NEGR1: variants seen among roughly 807,000 people sequenced by gnomAD.
NEGR1 encodes the protein neuronal growth regulator 1, also known as IgLON family member 4.
In NEGR1, 10 loss-of-function variants were observed where a neutral mutation model predicts 40.9. The ratio of observed to expected loss-of-function variants is 0.24; its 90% CI spans 0.15 to 0.42. The LOEUF (loss-of-function observed/expected upper bound fraction) is 0.42. Among genes scored for constraint, NEGR1 ranks in the 10% least tolerant of loss-of-function variants. The probability of loss-of-function intolerance (pLI) is 1.00; values close to 1 mark genes in which losing one functional copy is unlikely to be tolerated. For missense variants in NEGR1, 352 were observed against 438.9 expected (o/e 0.80, Z 1.77); for synonymous variants, 185 against 166.8 (o/e 1.11, Z -0.84).
At chr1:71,494,398 G>T (rs1646948751) in intron 6 of NEGR1, among the ~76,000 whole-genome samples, 1 of 152,154 alleles carries the variant, frequency 6.6e-6, no homozygotes, top group South Asian at 2.1e-4. Flanking sequence ...GCCACACATT[G>T]TGGCAAGGAG....
intron 2 of NEGR1, among the ~76,000 whole-genome samples, chr1:71,855,246 A>C (rs886127561): frequency 6.6e-6 from 1 of 152,136 alleles, no homozygotes; most frequent in African/African-American, 2.4e-5. Flanking sequence ...TTCTTTCAAT[A>C]AACTCAAATC....
intron 4 of NEGR1, among the ~76,000 whole-genome samples, chr1:71,692,188 A>C (rs1334034123): frequency 1.3e-5 from 2 of 151,766 alleles, no homozygotes; most frequent in African/African-American, 4.8e-5. Flanking sequence ...GATGTACCAA[A>C]GTGTATCATC....
intron 1 of NEGR1, among the ~76,000 whole-genome samples, chr1:71,955,862 C>T (rs898084058): frequency 1.3e-5 from 2 of 152,044 alleles, no homozygotes; most frequent in African/African-American, 4.8e-5. Flanking sequence ...GTTAACTGTA[C>T]TGTTGTAGAG....
intron 1 of NEGR1, among the ~76,000 whole-genome samples, chr1:72,083,648 TG>T (rs1428728107): frequency 6.6e-6 from 1 of 152,196 alleles, no homozygotes; most frequent in East Asian, 1.9e-4. Context: ...ATTTGTTAAT[TG>T]CCTCCCAGCA....
chr1:72,083,632 A>G (rs1453500170), intron 1 of NEGR1, among the ~76,000 whole-genome samples: 1 of 152,206 alleles, frequency 6.6e-6, no homozygotes, highest in Non-Finnish European at 1.5e-5. Context: ...TTTTAATAAT[A>G]GTGGCATTTG....
intron 4 of NEGR1, among the ~76,000 whole-genome samples, chr1:71,629,854 A>G (rs1650916184): frequency 6.6e-6 from 1 of 151,958 alleles, no homozygotes; most frequent in South Asian, 2.1e-4. Flanking sequence ...TTTAATGTGG[A>G]TGGTCTTGCA....
intron 6 of NEGR1, among the ~76,000 whole-genome samples, chr1:71,537,653 G>A (rs1231520717): frequency 1.3e-5 from 2 of 151,710 alleles, no homozygotes; most frequent in Non-Finnish European, 2.9e-5. Flanking sequence ...GGGACAACTC[G>A]TCTGATAGTT....
chr1:72,105,544 G>GTAAATAAATAAATAAA (rs57077521), intron 1 of NEGR1, among the ~76,000 whole-genome samples: 84 of 151,140 alleles, frequency 5.6e-4, no homozygotes, highest in African/African-American at 2.0e-3. Flanking sequence ...TCTCTCCACA[G>GTAAATAAATAAATAAA]TAAATAAATA....
chr1:71,502,653 T>C (rs1413966778), intron 6 of NEGR1, among the ~76,000 whole-genome samples: 1 of 152,100 alleles, frequency 6.6e-6, no homozygotes, highest in African/African-American at 2.4e-5. Flanking sequence ...CTGTAGAGGC[T>C]ATAGACAAAC....
intron 1 of NEGR1, among the ~76,000 whole-genome samples, chr1:72,118,573 C>T (rs1418883831): frequency 2.0e-5 from 3 of 151,714 alleles, no homozygotes; most frequent in African/African-American, 7.3e-5. Context: ...ATCCTGTTTC[C>T]TTGGCTTTCT....
chr1:71,787,660 A>T (rs1442816297), intron 2 of NEGR1, among the ~76,000 whole-genome samples: 1 of 152,260 alleles, frequency 6.6e-6, no homozygotes, highest in East Asian at 1.9e-4. Context: ...ACATGAAGAC[A>T]CTTCATCATT....
intron 2 of NEGR1, among the ~76,000 whole-genome samples, chr1:71,887,894 A>AC (rs1447611503): frequency 2.0e-5 from 3 of 151,100 alleles, no homozygotes; most frequent in Non-Finnish European, 4.4e-5. Context: ...AATCTCCCCT[A>AC]CCCCCACCTG....
At position 71,873,910 on chromosome 1, in the gene NEGR1, T is replaced by C. The variant is rs180706328; in HGVS notation, c.409+61169A>G. On this transcript the variant is annotated intron_variant, in intron 2 of 6. Coordinates refer to ENST00000357731, the MANE Select transcript of NEGR1 (RefSeq NM_173808.3). ...ACATAATCCAAGATACTCAAGACAG[T>C]AGCAAAATTAGGCATTTGGAAAAAT... is the stretch of plus-strand genomic sequence containing the variant. 7.3e-4 allele frequency among the ~76,000 whole-genome samples: 111 copies of C among 152,274 alleles called. 1 individual carries two copies. The highest frequency in any genetic ancestry group is 2.5e-3 in the African/African-American group (106 of 41,582).
At chr1:71,528,370 TTTA>T (rs1007190201) in intron 6 of NEGR1, among the ~76,000 whole-genome samples, 1 of 151,330 alleles carries the variant, frequency 6.6e-6, no homozygotes, top group African/African-American at 2.4e-5. Context: ...GCCTATCTCT[TTTA>T]TAGATTATAA....
At chr1:71,428,099 G>A (rs931922888) in intron 6 of NEGR1, among the ~76,000 whole-genome samples, 3 of 152,142 alleles carry the variant, frequency 2.0e-5, no homozygotes, top group African/African-American at 7.2e-5. Context: ...GGCAGAGGAA[G>A]ACTGAGAATT....
chr1:71,655,134 T>C (rs1651837319), intron 4 of NEGR1, among the ~76,000 whole-genome samples: 1 of 152,210 alleles, frequency 6.6e-6, no homozygotes, highest in South Asian at 2.1e-4. Flanking sequence ...TATTCATTTA[T>C]TCAAGGAGAT....
intron 6 of NEGR1, among the ~76,000 whole-genome samples, chr1:71,498,004 C>G (rs148693735): frequency 3.9e-5 from 6 of 152,126 alleles, no homozygotes; most frequent in African/African-American, 1.4e-4. Flanking sequence ...ATAGCTTCCA[C>G]AGGCTGTTGC....
chr1:71,790,074 T>C (rs561147185), intron 2 of NEGR1, among the ~76,000 whole-genome samples: 1 of 152,260 alleles, frequency 6.6e-6, no homozygotes, highest in South Asian at 2.1e-4. Flanking sequence ...GTAGGTCAAC[T>C]ACTTACGAAG....
At chr1:72,116,655 T>A (rs1216017562) in intron 1 of NEGR1, among the ~76,000 whole-genome samples, 1 of 151,766 alleles carries the variant, frequency 6.6e-6, no homozygotes, top group Non-Finnish European at 1.5e-5. Flanking sequence ...TTTAATTTGC[T>A]TTATGTGTAA....
Sources: gnomAD v4.1 joint callset for allele counts (sites outside exome capture counted in the v4.1 genomes callset) on GRCh38, gnomAD v4.1.1 for gene constraint, MANE v1.5 for transcripts, NCBI Gene and HGNC (gene_info 2026-07-23, HGNC 2026-07-21) for gene names.